Variants in SHISA9 observed in about 807,000 individuals in gnomAD.
SHISA9 encodes protein shisa-9.
In SHISA9, 13 loss-of-function variants were observed where a neutral mutation model predicts 38.0. The ratio of observed to expected loss-of-function variants is 0.34; its 90% CI spans 0.22 to 0.54. The LOEUF is 0.54. Among genes scored for constraint, SHISA9 ranks in the 20% least tolerant of loss-of-function variants. SHISA9 has a pLI of 0.91. For synonymous variants in SHISA9, 275 were observed against 242.0 expected (o/e 1.14, Z -1.27); for missense variants, 538 against 575.8 (o/e 0.93, Z 0.67).
At chr16:13,343,044 C>T in the SHISA9 span, among the ~76,000 whole-genome samples, 1 of 152,170 alleles carries the variant, frequency 6.6e-6, no homozygotes, top group Admixed American at 6.5e-5. Context: ...TAACATATTA[C>T]CTAGCACATG....
chr16:13,412,088 G>A, the SHISA9 span, among the ~76,000 whole-genome samples: 2 of 151,972 alleles, frequency 1.3e-5, no homozygotes, highest in Non-Finnish European at 2.9e-5. Flanking sequence ...ACACACACAA[G>A]GCCTATTCTC....
intron 2 of SHISA9, among the ~76,000 whole-genome samples, chr16:13,095,930 C>T (rs1203662627): frequency 6.6e-6 from 1 of 152,128 alleles, no homozygotes; most frequent in African/African-American, 2.4e-5. Flanking sequence ...GGGGCAGGGC[C>T]CGAGAATTTC....
chr16:12,908,720 C>A (rs183872064), intron 1 of SHISA9: 2 of 1,461,310 alleles, frequency 1.4e-6, no homozygotes, highest in Non-Finnish European at 1.8e-6. Flanking sequence ...AAGAAGCTAC[C>A]GTAAGATGAA....
intron 1 of SHISA9, among the ~76,000 whole-genome samples, chr16:12,905,367 T>G (rs2071078860): frequency 1.3e-5 from 2 of 152,120 alleles, no homozygotes; most frequent in Admixed American, 6.5e-5. Flanking sequence ...TGTCCTAAAA[T>G]GCAGATTCTT....
At chr16:13,351,911 G>T in the SHISA9 span, among the ~76,000 whole-genome samples, 1 of 152,186 alleles carries the variant, frequency 6.6e-6, no homozygotes, top group Non-Finnish European at 1.5e-5. Context: ...ATCCTGTGAA[G>T]GGTTTTTCTA....
intron 2 of SHISA9, among the ~76,000 whole-genome samples, chr16:12,992,362 T>TGA (rs780849787): frequency 1.8e-5 from 2 of 113,770 alleles, no homozygotes; most frequent in Admixed American, 1.8e-4. Flanking sequence ...CCATCTCTAC[T>TGA]AAAAAAAAAA....
At chr16:13,013,452 G>A (rs969851545) in intron 2 of SHISA9, among the ~76,000 whole-genome samples, 9 of 152,296 alleles carry the variant, frequency 5.9e-5, no homozygotes, top group Admixed American at 5.9e-4. Flanking sequence ...TCCTGGAAGG[G>A]ATTCATGGGT....
At chr16:12,927,619 G>A (rs905858186) in intron 2 of SHISA9, among the ~76,000 whole-genome samples, 3 of 149,864 alleles carry the variant, frequency 2.0e-5, no homozygotes, top group Non-Finnish European at 4.4e-5. Flanking sequence ...ATGTTGCCCA[G>A]ACTGAGCTCG....
chr16:13,148,287 ACACT>A (rs2050465607), intron 2 of SHISA9, among the ~76,000 whole-genome samples: 1 of 152,034 alleles, frequency 6.6e-6, no homozygotes, highest in African/African-American at 2.4e-5. Context: ...TGTCCACCAC[ACACT>A]CACATAGGCA....
intron 2 of SHISA9, among the ~76,000 whole-genome samples, chr16:13,014,931 G>A (rs963921908): frequency 6.6e-6 from 1 of 152,224 alleles, no homozygotes. Flanking sequence ...TGAAGGCAGG[G>A]ATCTCACCTA....
At chr16:13,553,105 A>T in the SHISA9 span, among the ~76,000 whole-genome samples, 553 of 152,212 alleles carry the variant, frequency 3.6e-3, 3 homozygotes, top group African/African-American at 0.012. Context: ...GGGGACAAAA[A>T]CACCCCTGAC....
chr16:13,163,754 G>A (rs2050614170), intron 2 of SHISA9, among the ~76,000 whole-genome samples: 1 of 151,856 alleles, frequency 6.6e-6, no homozygotes. Context: ...TGTTGCTATT[G>A]TAAATGGTAT....
At position 13,000,925 on chromosome 16, in the gene SHISA9, CTTCT is replaced by C. The variant is rs1388100846; in HGVS notation, c.691+84121_691+84124del. On this transcript the variant is annotated intron_variant, in intron 2 of 4. Transcript: ENST00000558583. ...AGGCAACTGCCCTCATCTTGGGTTG[CTTCT>C]TTCTTTCTTTGTTTTTTTGAGATGG... Among the ~76,000 whole-genome samples the C allele has an allele frequency of 3.9e-5, 6 of 152,012 alleles. No homozygotes were observed. The East Asian group carries it at 7.7e-4, about 20-fold the overall frequency.
the SHISA9 span, among the ~76,000 whole-genome samples, chr16:13,269,247 G>A: frequency 0.012 from 1,817 of 152,308 alleles, 37 homozygotes; most frequent in African/African-American, 0.042. Flanking sequence ...TGGTTTTGAA[G>A]GCAGAGAGCC....
chr16:12,985,241 G>A lies in SHISA9; in HGVS notation c.691+68426G>A, dbSNP rs202171313. Among the ~76,000 whole-genome samples the A allele has an allele frequency of 3.4e-5, 5 of 149,068 alleles. No individual in the cohort carries two copies. In the East Asian group the frequency reaches 5.9e-4, roughly 18 times the overall value. ...CAACGAAAAATAAATAAATAAATAA[G>A]TAAATAAATAAATAAATAAATAAAT... On this transcript the variant is annotated intron_variant, in intron 2 of 4. Coordinates refer to ENST00000558583, the MANE Select transcript of SHISA9 (RefSeq NM_001145204.3).
At chr16:13,047,028 G>A (rs1256620023) in intron 2 of SHISA9, among the ~76,000 whole-genome samples, 1 of 152,120 alleles carries the variant, frequency 6.6e-6, no homozygotes, top group Non-Finnish European at 1.5e-5. Flanking sequence ...TATTCATTTT[G>A]GAGATGATGG....
the SHISA9 span, among the ~76,000 whole-genome samples, chr16:13,294,040 T>C: frequency 6.6e-6 from 1 of 152,188 alleles, no homozygotes; most frequent in East Asian, 1.9e-4. Context: ...GTAAGCAAGC[T>C]ACACAAGCAA....
At chr16:12,938,889 T>C (rs932732061) in intron 2 of SHISA9, among the ~76,000 whole-genome samples, 1 of 152,278 alleles carries the variant, frequency 6.6e-6, no homozygotes, top group Admixed American at 6.5e-5. Context: ...TCTAACTAGA[T>C]TGAAAACACA....
At chr16:12,907,699 G>A (rs1288212330) in intron 1 of SHISA9, among the ~76,000 whole-genome samples, 3 of 152,160 alleles carry the variant, frequency 2.0e-5, no homozygotes, top group Non-Finnish European at 4.4e-5. Flanking sequence ...ATTATGCGTG[G>A]TGTTTTAAAA....
Sources: allele counts gnomAD v4.1 joint callset (sites outside exome capture counted in the v4.1 genomes callset), GRCh38; gene constraint gnomAD v4.1.1; transcripts MANE v1.5; gene names NCBI Gene and HGNC (gene_info 2026-07-23, HGNC 2026-07-21).